The following INSL6 variants were observed in gnomAD, a reference collection of about 807,000 sequenced individuals.
INSL6 encodes insulin-like peptide INSL6.
A neutral mutation model predicts 9.4 loss-of-function variants in INSL6; 16 were observed. The observed-to-expected ratio is 1.70, with a 90% CI of 1.15 to 2.59. The LOEUF (loss-of-function observed/expected upper bound fraction) is 2.59. Among genes scored for constraint, INSL6 ranks in the 30% most tolerant of loss-of-function variants. The pLI is 0.00. For synonymous variants in INSL6, 154 were observed against 96.9 expected (o/e 1.59, Z -3.46); for missense variants, 391 against 257.3 (o/e 1.52, Z -3.56).
At chr9:4,998,545 A>G in the INSL6 span, among the ~76,000 whole-genome samples, 8 of 152,014 alleles carry the variant, frequency 5.3e-5, no homozygotes, top group East Asian at 1.9e-4. Flanking sequence ...ATGAGCCACC[A>G]TGCCCGGCCA....
the INSL6 span, among the ~76,000 whole-genome samples, chr9:5,006,200 G>T: frequency 6.6e-6 from 1 of 152,030 alleles, no homozygotes; most frequent in Non-Finnish European, 1.5e-5. Context: ...TCCTTGAAGA[G>T]GTCCTTCACA....
chr9:5,017,272 C>A, the INSL6 span, among the ~76,000 whole-genome samples: 1 of 152,124 alleles, frequency 6.6e-6, no homozygotes, highest in African/African-American at 2.4e-5. Context: ...CTAAAAGATA[C>A]ATTTCAGCAG....
At chr9:5,107,366 G>A in the INSL6 span, among the ~76,000 whole-genome samples, 3 of 151,874 alleles carry the variant, frequency 2.0e-5, no homozygotes, top group Non-Finnish European at 4.4e-5. Flanking sequence ...ACCTCCAACT[G>A]CCTCCCCTTT....
chr9:5,041,299 C>A, the INSL6 span: 2 of 864,672 alleles, frequency 2.3e-6, no homozygotes, highest in Non-Finnish European at 3.7e-6. Flanking sequence ...GTCTCAGGAC[C>A]AAGAAGCACA....
the INSL6 span, chr9:5,054,844 C>G: frequency 6.2e-7 from 1 of 1,609,828 alleles, no homozygotes; most frequent in Non-Finnish European, 8.5e-7. This position sits in a 1 kb window ranked among gnomAD's most constrained non-coding sequence, Gnocchi z 4.9. Flanking sequence ...ATTCAGTGGT[C>G]AAGAGGGAAA....
At chr9:5,178,225 C>T (rs907231594) in intron 1 of INSL6, among the ~76,000 whole-genome samples, 28 of 152,276 alleles carry the variant, frequency 1.8e-4, no homozygotes, top group Non-Finnish European at 3.7e-4. Context: ...GGTGAGACCT[C>T]CTTGTAGGGG....
the INSL6 span, among the ~76,000 whole-genome samples, chr9:5,082,989 T>C: frequency 2.1e-3 from 315 of 152,318 alleles, 2 homozygotes; most frequent in African/African-American, 7.3e-3. Flanking sequence ...TCTCTCTTTC[T>C]TTTCCCTATA....
chr9:5,109,443 T>C, the INSL6 span: 140 of 152,264 alleles, frequency 9.2e-4, 1 homozygote, highest in African/African-American at 3.1e-3. Flanking sequence ...ATTGGAGTCA[T>C]CCGTTGGCCT....
the INSL6 span, among the ~76,000 whole-genome samples, chr9:5,021,496 T>C: frequency 1.3e-5 from 2 of 152,266 alleles, no homozygotes; most frequent in Admixed American, 1.3e-4. Context: ...TTTCTTGCAT[T>C]GTGCTTTGTA....
At chr9:5,047,658 A>AT in the INSL6 span, among the ~76,000 whole-genome samples, 2 of 152,014 alleles carry the variant, frequency 1.3e-5, no homozygotes, top group Non-Finnish European at 1.5e-5. Context: ...TTCTTATTTT[A>AT]TTTTTTTATA....
the INSL6 span, among the ~76,000 whole-genome samples, chr9:5,051,453 G>GA: frequency 6.6e-6 from 1 of 152,188 alleles, no homozygotes; most frequent in Non-Finnish European, 1.5e-5. Flanking sequence ...TAAAATCAAA[G>GA]ATTTCTGGGT....
At chr9:5,163,597 G>A, downstream of INSL6, among the ~76,000 whole-genome samples, 1 of 151,676 alleles carries the variant, frequency 6.6e-6, no homozygotes, top group Non-Finnish European at 1.5e-5. Flanking sequence ...ATGGAAAGCA[G>A]AAGGTTCCAT....
the INSL6 span, among the ~76,000 whole-genome samples, chr9:5,057,888 T>C: frequency 3.9e-5 from 6 of 152,086 alleles, no homozygotes; most frequent in Non-Finnish European, 8.8e-5. Context: ...GCCCCTCTAC[T>C]TTCTTATTCT....
At chr9:5,050,718 A>G in the INSL6 span, 1 of 1,613,868 alleles carries the variant, frequency 6.2e-7, no homozygotes, top group Non-Finnish European at 8.5e-7. Flanking sequence ...GATGGATAAA[A>G]GTACCTGTGA....
rs574027001 is a variant in INSL6, at chr9:5,136,323, AG to A, written c.377-2732del. 2.6e-3 allele frequency among the ~76,000 whole-genome samples: 396 copies of A among 152,302 alleles called. 4 individuals carry two copies. Among genetic ancestry groups the A allele is most frequent in the African/African-American group, 9.0e-3 (375 of 41,562 alleles). On this transcript the variant is annotated intron_variant, in intron 2 of 3. Coordinates refer to the INSL6 transcript ENST00000649639. The stretch of plus-strand genomic sequence containing the variant: ...CCTGGCAGAGACACAACAAAAAAAG[AG>A]AATTTTAGGCCGATATCCCTGATAA...
At chr9:5,178,404 G>C (rs563698662) in intron 1 of INSL6, among the ~76,000 whole-genome samples, 3 of 152,304 alleles carry the variant, frequency 2.0e-5, no homozygotes, top group South Asian at 2.1e-4. Flanking sequence ...CAGCTGCTTT[G>C]GCAGATTGTG....
the INSL6 span, among the ~76,000 whole-genome samples, chr9:5,019,739 C>T: frequency 1.3e-5 from 2 of 152,148 alleles, no homozygotes; most frequent in African/African-American, 4.8e-5. Context: ...TTGGCCAGGG[C>T]ACTTTGGGTT....
At chr9:5,049,191 A>G in the INSL6 span, among the ~76,000 whole-genome samples, 14 of 152,268 alleles carry the variant, frequency 9.2e-5, no homozygotes, top group East Asian at 2.3e-3. Flanking sequence ...GCCTCCGTAA[A>G]TACACTTTAT....
At chr9:5,116,448 A>G in the INSL6 span, among the ~76,000 whole-genome samples, 3 of 152,222 alleles carry the variant, frequency 2.0e-5, no homozygotes, top group African/African-American at 7.2e-5. Context: ...GGTATGAGTG[A>G]AACTAAAAAG....
Sources: gnomAD v4.1 joint callset for allele counts (sites outside exome capture counted in the v4.1 genomes callset) on GRCh38, gnomAD v4.1.1 for gene constraint, Gnocchi (gnomAD v3.1) non-coding constraint, MANE v1.5 for transcripts, NCBI Gene and HGNC (gene_info 2026-07-23, HGNC 2026-07-21) for gene names.